DDX11: variants seen among roughly 807,000 people sequenced by gnomAD.
DDX11 encodes ATP-dependent DNA helicase DDX11.
Under a neutral mutation model 125.2 loss-of-function variants are expected in DDX11, and 72 were observed. That is an observed-to-expected ratio of 0.58 (90% CI 0.48 to 0.70). The LOEUF is 0.70. Among genes scored for constraint, DDX11 ranks in the 30% least tolerant of loss-of-function variants. The pLI, the probability that DDX11 is intolerant of heterozygous loss-of-function variation, is 0.00. For synonymous variants in DDX11, 347 were observed against 452.6 expected (o/e 0.77, Z 2.96); for missense variants, 883 against 1,165.0 (o/e 0.76, Z 3.52).
rs917440958 is a variant in DDX11, at chr12:31,073,862, T to C, written c.-234T>C. On this transcript the variant is annotated 5_prime_UTR_variant, in exon 1 of 27. Coordinates refer to ENST00000542838, the MANE Select transcript of DDX11 (RefSeq NM_030653.4). ...AGTGCGCATGCGCAGCGGCGGGGGT[T>C]GTTCCGGCTGCCTTTCACTGAGGGG... The C allele has an allele frequency of 6.6e-6, 1 of 152,216 alleles. No homozygotes were observed. Among genetic ancestry groups the C allele is most frequent in the Non-Finnish European group, 1.5e-5 (1 of 68,030 alleles). 9.4% of individuals were successfully genotyped at this position (152,216 alleles called of 1,614,324 possible).
intron 12 of DDX11, 168 bp from the exon 13 acceptor site, chr12:31,094,422 G>C: frequency 3.2e-6 from 4 of 1,232,264 alleles, no homozygotes; most frequent in Non-Finnish European, 4.6e-6. Context: ...GGACCCACCT[G>C]CCCTCTCAGT....
At chr12:31,093,353 G>A (rs370481870) in intron 12 of DDX11, 29 bp downstream of exon 12, 23 of 1,613,456 alleles carry the variant, frequency 1.4e-5, no homozygotes, top group African/African-American at 2.7e-5. Context: ...TGCTGACCCC[G>A]GGCCTGCAAA....
intron 2 of DDX11, among the ~76,000 whole-genome samples, chr12:31,082,336 T>C (rs1942109757): frequency 6.6e-6 from 1 of 151,748 alleles, no homozygotes; most frequent in Non-Finnish European, 1.5e-5. Flanking sequence ...AATGTCCTGC[T>C]TGCACCAGCT....
rs1029809307 is a variant in DDX11, at chr12:31,073,861, T to C, written c.-235T>C. ...GAGTGCGCATGCGCAGCGGCGGGGGTTGTTCCGGCTGCCTTTCACTGAGGG... is the reference window on the plus strand; with the variant it reads ...GAGTGCGCATGCGCAGCGGCGGGGGCTGTTCCGGCTGCCTTTCACTGAGGG... On this transcript the variant is annotated 5_prime_UTR_variant, in exon 1 of 27. Coordinates refer to ENST00000542838, the MANE Select transcript of DDX11 (RefSeq NM_030653.4). 1 of 151,748 alleles carries C rather than the reference T, an allele frequency of 6.6e-6. No individual in the cohort carries two copies. The highest frequency in any genetic ancestry group is 1.5e-5 in the Non-Finnish European group (1 of 67,826). The allele number at this position is 151,748 out of a possible 1,614,324, so 9.4% of individuals were successfully genotyped here. A position where few individuals can be genotyped will look rare whatever the true frequency, so the allele number is the denominator to read the frequency against.
chr12:31,093,917 G>A (rs148640296), intron 12 of DDX11, among the ~76,000 whole-genome samples: 1,642 of 147,810 alleles, frequency 0.011, 16 homozygotes, highest in Non-Finnish European at 0.016. Context: ...GACACACGGT[G>A]TTTCCGTGAT....
At chr12:31,079,415 G>T (rs1192177995) in intron 2 of DDX11, among the ~76,000 whole-genome samples, 1 of 141,050 alleles carries the variant, frequency 7.1e-6, no homozygotes, top group Non-Finnish European at 1.5e-5. Flanking sequence ...AGGCTGGAAA[G>T]TTGAAGATCC....
rs368525433 is a variant in DDX11, at chr12:31,101,921, G to A, written c.2141G>A (p.Arg714His). 20 of 1,613,812 alleles carry A rather than the reference G, an allele frequency of 1.2e-5. No homozygotes were observed. In the Middle Eastern group the frequency reaches 5.0e-4, roughly 40 times the overall value. ...TTCTTCCCCTCCTACGAGTACCTGC[G>A]CCAGGTCCATGCCCACTGGGAGAAG... The part of the protein sequence containing the change: ...VCFFPSYEYL[R>H]QVHAHWEKGG... Residue 714 changes from arginine to histidine, a missense_variant, in exon 21 of 27, where the codon CGC (arginine) becomes CAC (histidine). By Grantham distance (29) the Arg-to-His change is conservative. Coordinates refer to ENST00000542838, the MANE Select transcript of DDX11 (RefSeq NM_030653.4).
At chr12:31,077,022 C>T (rs1468645816) in intron 1 of DDX11, 1 of 152,562 alleles carries the variant, frequency 6.6e-6, no homozygotes, top group Non-Finnish European at 1.5e-5. Flanking sequence ...GTGGCAACTA[C>T]CTTTCCCCTC....
chr12:31,082,349 A>G (rs932921715), intron 2 of DDX11, among the ~76,000 whole-genome samples: 3 of 151,624 alleles, frequency 2.0e-5, no homozygotes, highest in Non-Finnish European at 2.9e-5. Flanking sequence ...CACCAGCTCT[A>G]TGAGGAAGGT....
intron 10 of DDX11, 69 bp downstream of exon 10, chr12:31,091,940 A>C: frequency 6.2e-7 from 1 of 1,605,370 alleles, no homozygotes; most frequent in Non-Finnish European, 8.5e-7. Context: ...GTTCCTCCAG[A>C]CACCTGGGCC....
rs763612105 is a variant in DDX11 at position 31,099,084 on chromosome 12, C to CT, written c.1875+1108dup. Among the ~76,000 whole-genome samples the CT allele has an allele frequency of 2.3e-3, 146 of 63,716 alleles. 2 individuals carry two copies. Among genetic ancestry groups the CT allele is most frequent in the Admixed American group, 3.0e-3 (13 of 4,346 alleles). 41.8% of individuals were successfully genotyped at this position (63,716 alleles called of 152,430 possible). Reference sequence around the variant, plus strand: ...CATACTGGTATTTCTTTCTTTCTTTCTTTTTTTTTTTTTTTTTTTTTGAGA... The same window carrying CT: ...CATACTGGTATTTCTTTCTTTCTTTCTTTTTTTTTTTTTTTTTTTTTTGAGA... On this transcript the variant is annotated intron_variant, in intron 18 of 26. Coordinates refer to ENST00000542838, the MANE Select transcript of DDX11 (RefSeq NM_030653.4).
intron 9 of DDX11, chr12:31,091,016 A>G (rs773309907): frequency 3.9e-5 from 6 of 152,206 alleles, no homozygotes; most frequent in Non-Finnish European, 8.8e-5. Flanking sequence ...CTTTGACCAT[A>G]TTTTGCTTTT....
rs566476177 is a variant in DDX11, at chr12:31,101,776, G to A, written c.2053-57G>A. The A allele has an allele frequency of 4.4e-5, 71 of 1,609,972 alleles. 1 individual carries two copies. The South Asian group carries it at 7.3e-4, about 16-fold the overall frequency. The stretch of plus-strand genomic sequence containing the variant: ...GTCTCAAGGTGAAGACGCGGTTTGT[G>A]GGTGGCTGAGGGGTTGCTCCATGGG... On this transcript the variant is annotated intron_variant, in intron 20 of 26. Coordinates refer to ENST00000542838, the MANE Select transcript of DDX11 (RefSeq NM_030653.4).
chr12:31,092,147 G>A (rs1944357719), intron 10 of DDX11, among the ~76,000 whole-genome samples: 1 of 152,188 alleles, frequency 6.6e-6, no homozygotes, highest in Non-Finnish European at 1.5e-5. Context: ...TGTAAGCCAG[G>A]GAGATGGCAT....
chr12:31,077,582 T>G (rs1245302799), intron 1 of DDX11, among the ~76,000 whole-genome samples: 1 of 151,854 alleles, frequency 6.6e-6, no homozygotes, highest in Admixed American at 6.5e-5. Flanking sequence ...GTGCGGTGGC[T>G]CACGCCTGTA....
At chr12:31,090,799 T>C (rs1944074699) in intron 9 of DDX11, among the ~76,000 whole-genome samples, 1 of 152,214 alleles carries the variant, frequency 6.6e-6, no homozygotes, top group Admixed American at 6.5e-5. Flanking sequence ...TAAGTAACCA[T>C]TTGCACAGCA....
At chr12:31,092,438 T>G (rs1944405518) in intron 10 of DDX11, among the ~76,000 whole-genome samples, 1 of 152,134 alleles carries the variant, frequency 6.6e-6, no homozygotes, top group Non-Finnish European at 1.5e-5. Flanking sequence ...GGTTTCTGAC[T>G]GTGAAAACCC....
intron 18 of DDX11, among the ~76,000 whole-genome samples, chr12:31,098,421 T>C (rs1227606906): frequency 3.3e-5 from 5 of 152,292 alleles, no homozygotes; most frequent in Admixed American, 3.3e-4. Flanking sequence ...AACTTGCTCT[T>C]TTCACTCAGC....
In DDX11 at chr12:31,084,675, C is replaced by T; in HGVS notation, c.480+6C>T. On this transcript the variant is annotated splice_donor_region_variant and intron_variant, in intron 4 of 26. Transcript: ENST00000542838. ...AGTATGCAGCCAAGCGCCTGGTGAGCCTCATTTCTTGGGGGGCAGGATTAT... is the reference window on the plus strand; with the variant it reads ...AGTATGCAGCCAAGCGCCTGGTGAGTCTCATTTCTTGGGGGGCAGGATTAT... The T allele has an allele frequency of 1.3e-6, 2 of 1,578,216 alleles. No homozygotes were observed. The highest frequency in any genetic ancestry group is 1.7e-6 in the Non-Finnish European group (2 of 1,157,514).
Sources: gnomAD v4.1 joint callset for allele counts (sites outside exome capture counted in the v4.1 genomes callset) on GRCh38, gnomAD v4.1.1 for gene constraint, MANE v1.5 for transcripts, NCBI Gene and HGNC (gene_info 2026-07-23, HGNC 2026-07-21) for gene names.